Variants in SHROOM3 observed in about 807,000 individuals in gnomAD.
SHROOM3 encodes protein Shroom3.
In SHROOM3, 47 loss-of-function variants were observed where a neutral mutation model predicts 138.6. The ratio of observed to expected loss-of-function variants is 0.34; its 90% CI spans 0.27 to 0.43. The LOEUF is 0.43. Ranked by LOEUF, SHROOM3 falls within the 20% of genes least tolerant of loss-of-function variation. SHROOM3 has a pLI of 1.00. For missense variants in SHROOM3, 2,491 were observed against 2,596.5 expected (o/e 0.96, Z 0.88); for synonymous variants, 1,062 against 1,063.3 (o/e 1.00, Z 0.02).
chr4:76,535,002 C>A (rs919326999), intron 1 of SHROOM3, among the ~76,000 whole-genome samples: 12 of 152,126 alleles, frequency 7.9e-5, no homozygotes, highest in Non-Finnish European at 1.5e-4. Context: ...AGCTCAATAC[C>A]CCTTCCTTCC....
intron 1 of SHROOM3, among the ~76,000 whole-genome samples, chr4:76,492,640 A>C (rs1376297233): frequency 2.0e-5 from 3 of 152,226 alleles, no homozygotes; most frequent in Admixed American, 6.5e-5. Flanking sequence ...CTCCGCATTA[A>C]TAACTGCCAC....
chr4:76,650,206 A>G (rs1407241437), intron 2 of SHROOM3, among the ~76,000 whole-genome samples: 2 of 152,210 alleles, frequency 1.3e-5, no homozygotes, highest in Non-Finnish European at 2.9e-5. Context: ...GAGTACATAA[A>G]CATTTAGTCC....
intron 1 of SHROOM3, among the ~76,000 whole-genome samples, chr4:76,499,382 A>G (rs866616080): frequency 2.6e-5 from 4 of 152,228 alleles, no homozygotes; most frequent in Non-Finnish European, 5.9e-5. Flanking sequence ...AATAGTAGTT[A>G]TGATTAGCTC....
chr4:76,443,224 A>T (rs1730733985), intron 1 of SHROOM3, among the ~76,000 whole-genome samples: 1 of 152,246 alleles, frequency 6.6e-6, no homozygotes, highest in African/African-American at 2.4e-5. Flanking sequence ...GTTGTTGGAA[A>T]TAACTTTTAT....
chr4:76,679,987 C>T (rs1311345296), intron 2 of SHROOM3, among the ~76,000 whole-genome samples: 1 of 152,198 alleles, frequency 6.6e-6, no homozygotes, highest in Non-Finnish European at 1.5e-5. Flanking sequence ...AGAAGGTTGT[C>T]GCCACTAACA....
At chr4:76,456,076 G>T (rs770552528) in intron 1 of SHROOM3, among the ~76,000 whole-genome samples, 2 of 151,874 alleles carry the variant, frequency 1.3e-5, no homozygotes, top group African/African-American at 2.4e-5. Flanking sequence ...GTGCAATCTC[G>T]GCTCACTGCA....
intron 1 of SHROOM3, among the ~76,000 whole-genome samples, chr4:76,478,829 A>G (rs1254817371): frequency 1.3e-5 from 2 of 152,304 alleles, no homozygotes; most frequent in South Asian, 2.1e-4. Flanking sequence ...GGTGATACCC[A>G]GGCAAACAGG....
At chr4:76,589,202 T>C (rs1734211583) in intron 2 of SHROOM3, among the ~76,000 whole-genome samples, 1 of 152,264 alleles carries the variant, frequency 6.6e-6, no homozygotes, top group African/African-American at 2.4e-5. Flanking sequence ...GTGCGGTGGC[T>C]GACGCCTGTA....
chr4:76,449,298 T>G (rs1346292470), intron 1 of SHROOM3, among the ~76,000 whole-genome samples: 1 of 152,202 alleles, frequency 6.6e-6, no homozygotes, highest in African/African-American at 2.4e-5. Context: ...CTTCTTTTCT[T>G]ACTCAACTTA....
chr4:76,627,394 G>T (rs1451791752), intron 2 of SHROOM3, among the ~76,000 whole-genome samples: 1 of 152,142 alleles, frequency 6.6e-6, no homozygotes, highest in Non-Finnish European at 1.5e-5. Context: ...GGCTGAATTA[G>T]TTCTGATATT....
intron 5 of SHROOM3, among the ~76,000 whole-genome samples, chr4:76,746,436 G>C (rs1437364830): frequency 6.6e-6 from 1 of 152,142 alleles, no homozygotes; most frequent in African/African-American, 2.4e-5. Context: ...ACAGTAATAT[G>C]CTGTAACAGG....
chr4:76,609,983 G>A (rs766600847), intron 2 of SHROOM3, among the ~76,000 whole-genome samples: 29 of 152,174 alleles, frequency 1.9e-4, no homozygotes, highest in African/African-American at 1.7e-4. Flanking sequence ...TGGAGGACAA[G>A]GAGAGAATGA....
At chr4:76,746,877 C>T (rs570375822) in intron 5 of SHROOM3, among the ~76,000 whole-genome samples, 5 of 151,104 alleles carry the variant, frequency 3.3e-5, no homozygotes, top group South Asian at 4.2e-4. Context: ...AGTGCACTGG[C>T]GCAATGTCGG....
At chr4:76,562,565 AG>A (rs1237182754) in intron 2 of SHROOM3, among the ~76,000 whole-genome samples, 2 of 152,346 alleles carry the variant, frequency 1.3e-5, no homozygotes, top group Admixed American at 6.5e-5. Flanking sequence ...ATTAATAAAA[AG>A]GGTTGTGCAA....
chr4:76,638,464 G>A lies in SHROOM3; in HGVS notation c.324-71692G>A, dbSNP rs906742138. Among the ~76,000 whole-genome samples the A allele has an allele frequency of 4.6e-5, 7 of 152,262 alleles. No individual in the cohort carries two copies. The South Asian group carries it at 1.5e-3, about 32-fold the overall frequency. ...ACTCAGGAGGCGAGGCAGGAGGATC[G>A]CTTGCGCCTAGGAGTTCAAGGCTGT... On this transcript the variant is annotated intron_variant, in intron 2 of 10. Coordinates refer to ENST00000296043, the MANE Select transcript of SHROOM3 (RefSeq NM_020859.4).
chr4:76,441,087 T>TTTTTTG (rs1491301952), intron 1 of SHROOM3, among the ~76,000 whole-genome samples: 23 of 28,966 alleles, frequency 7.9e-4, no homozygotes, highest in East Asian at 3.4e-3. Flanking sequence ...GTTCAATTTG[T>TTTTTTG]TTTTTTTTTT....
chr4:76,590,682 T>C (rs999021892), intron 2 of SHROOM3, among the ~76,000 whole-genome samples: 1 of 151,866 alleles, frequency 6.6e-6, no homozygotes, highest in African/African-American at 2.4e-5. Flanking sequence ...TTGTACTTGG[T>C]GTTGAGGTCT....
At chr4:76,527,820 A>C (rs1424242440) in intron 1 of SHROOM3, among the ~76,000 whole-genome samples, 1 of 152,162 alleles carries the variant, frequency 6.6e-6, no homozygotes, top group East Asian at 1.9e-4. Context: ...TTAATACTGG[A>C]TGGATCGCCC....
rs755063568 is a variant in SHROOM3 at position 76,740,509 on chromosome 4, G to A, written c.2336G>A (p.Cys779Tyr). Residue 779 changes from cysteine (C) to tyrosine (Y), a missense_variant, in exon 5 of 11, where the codon TGC becomes TAC. Physicochemically the swap from Cys to Tyr is radical, Grantham distance 194 (BLOSUM62 -2). Transcript: ENST00000296043. The surrounding 1 kb of genome is among the most constrained non-coding windows in gnomAD (Gnocchi z 4.0). ...GGCTTTCAGTACGGGAAGCCCCACTGCTCGGTGCTGGAGAAGGTCTCCAAA... is the reference window on the plus strand; with the variant it reads ...GGCTTTCAGTACGGGAAGCCCCACTACTCGGTGCTGGAGAAGGTCTCCAAA... The part of the protein sequence containing the change: ...LQGFQYGKPH[C>Y]SVLEKVSKFE... 1 of 1,613,868 alleles carries A rather than the reference G, an allele frequency of 6.2e-7. No individual in the cohort carries two copies. Among genetic ancestry groups the A allele is most frequent in the South Asian group, 1.1e-5 (1 of 91,084 alleles).
Sources: gnomAD v4.1 joint callset for allele counts (sites outside exome capture counted in the v4.1 genomes callset) on GRCh38, gnomAD v4.1.1 for gene constraint, Gnocchi (gnomAD v3.1) non-coding constraint, MANE v1.5 for transcripts, NCBI Gene and HGNC (gene_info 2026-07-23, HGNC 2026-07-21) for gene names.